COMMD1: variants seen among roughly 807,000 people sequenced by gnomAD.
The protein encoded by COMMD1 is COMM domain-containing protein 1.
COMMD1 carries 10 observed loss-of-function variants against 17.2 expected under a neutral mutation model. The observed-to-expected ratio is 0.58, with a 90% CI of 0.36 to 0.99. The LOEUF (loss-of-function observed/expected upper bound fraction) is 0.99, where lower values mean the gene tolerates loss of function less well. COMMD1 is among the 50% of genes least tolerant of loss of function. The pLI is 0.01. For missense variants in COMMD1, 270 were observed against 231.8 expected (o/e 1.17, Z -1.07); for synonymous variants, 97 against 91.6 (o/e 1.06, Z -0.34).
chr2:62,002,298 C>CTG (rs1485424884), intron 2 of COMMD1, among the ~76,000 whole-genome samples: 1 of 151,520 alleles, frequency 6.6e-6, no homozygotes, highest in Non-Finnish European at 1.5e-5. Flanking sequence ...TGAGACCAGC[C>CTG]TGGCCAACAT....
intron 2 of COMMD1, among the ~76,000 whole-genome samples, chr2:62,045,473 T>C (rs1670353853): frequency 6.6e-6 from 1 of 152,090 alleles, no homozygotes; most frequent in Non-Finnish European, 1.5e-5. Context: ...GGCCTTTGAT[T>C]AGTCTTACAA....
intron 2 of COMMD1, among the ~76,000 whole-genome samples, chr2:62,065,071 A>G (rs1392744631): frequency 1.3e-5 from 2 of 152,136 alleles, no homozygotes; most frequent in East Asian, 3.9e-4. Context: ...GTGGGATTAC[A>G]GGTGCTGAGG....
At chr2:62,094,517 A>G (rs1671946009) in intron 2 of COMMD1, among the ~76,000 whole-genome samples, 1 of 152,232 alleles carries the variant, frequency 6.6e-6, no homozygotes, top group African/African-American at 2.4e-5. Context: ...AATTTATTTC[A>G]AAAGCATGAG....
intron 1 of COMMD1, 74 bp downstream of exon 1, chr2:61,905,932 G>C (rs1286158606): frequency 2.7e-6 from 4 of 1,455,148 alleles, no homozygotes; most frequent in Non-Finnish European, 3.8e-6. Flanking sequence ...TCCCCCCCTT[G>C]CCTTCCCCTG....
chr2:61,968,547 C>G (rs893180929), intron 1 of COMMD1, among the ~76,000 whole-genome samples: 5 of 151,888 alleles, frequency 3.3e-5, no homozygotes, highest in Non-Finnish European at 5.9e-5. Context: ...GAGTTTTGGA[C>G]CATTTTCCTT....
At chr2:62,012,183 G>A (rs531638611) in intron 2 of COMMD1, among the ~76,000 whole-genome samples, 59 of 151,818 alleles carry the variant, frequency 3.9e-4, no homozygotes, top group Non-Finnish European at 7.2e-4. Context: ...CTTGAACCCA[G>A]GAGGCGGAGG....
chr2:61,984,961 G>A (rs1195876193), intron 1 of COMMD1, among the ~76,000 whole-genome samples: 2 of 149,756 alleles, frequency 1.3e-5, no homozygotes, highest in Admixed American at 6.6e-5. Flanking sequence ...TCTGATATAA[G>A]TATAGCTACT....
At chr2:62,001,153 A>G in intron 2 of COMMD1, 171 bp downstream of exon 2, 1 of 683,684 alleles carries the variant, frequency 1.5e-6, no homozygotes, top group South Asian at 1.8e-5. Flanking sequence ...TCACTTGTGG[A>G]CAGAGTCTGG....
intron 2 of COMMD1, among the ~76,000 whole-genome samples, chr2:62,126,550 G>A (rs1329067656): frequency 6.6e-6 from 1 of 152,042 alleles, no homozygotes; most frequent in African/African-American, 2.4e-5. Flanking sequence ...CACATTTGTT[G>A]GCTGCATGAA....
intron 1 of COMMD1, among the ~76,000 whole-genome samples, chr2:61,908,446 T>C (rs759011892): frequency 6.6e-6 from 1 of 152,046 alleles, no homozygotes; most frequent in Non-Finnish European, 1.5e-5. Flanking sequence ...GGGATGGTTT[T>C]GATCTCTTGA....
intron 2 of COMMD1, among the ~76,000 whole-genome samples, chr2:62,017,570 T>C (rs1361896720): frequency 2.0e-5 from 3 of 151,560 alleles, no homozygotes; most frequent in Non-Finnish European, 4.4e-5. Context: ...CTTGGTAGAC[T>C]GAAGTGGGAG....
intron 1 of COMMD1, among the ~76,000 whole-genome samples, chr2:61,907,783 C>T (rs893274116): frequency 9.2e-5 from 14 of 152,156 alleles, no homozygotes; most frequent in African/African-American, 2.4e-4. Context: ...CTCCGCCTCC[C>T]GGGTTCAGGT....
chr2:61,895,884 G>A (rs1034927451), intron 1 of COMMD1, among the ~76,000 whole-genome samples: 12 of 152,118 alleles, frequency 7.9e-5, no homozygotes, highest in African/African-American at 2.9e-4. Flanking sequence ...CAAGGTCCTA[G>A]GGGCAGTCCA....
chr2:62,131,438 T>A (rs1304205390), intron 2 of COMMD1, among the ~76,000 whole-genome samples: 1 of 152,234 alleles, frequency 6.6e-6, no homozygotes, highest in East Asian at 1.9e-4. Context: ...CAGTAACAAG[T>A]GTTTCAGATT....
At chr2:61,888,561 C>T (rs1359074476), upstream of COMMD1, 1 of 1,583,654 alleles carries the variant, frequency 6.3e-7, no homozygotes, top group African/African-American at 1.3e-5. Flanking sequence ...GACCCGGATT[C>T]TGGCCGGCCG....
At chr2:61,975,560 G>T (rs1209026592) in intron 1 of COMMD1, among the ~76,000 whole-genome samples, 2 of 152,050 alleles carry the variant, frequency 1.3e-5, no homozygotes, top group Non-Finnish European at 2.9e-5. Flanking sequence ...TCTATTGATA[G>T]AATTATATGA....
chr2:61,990,853 C>T (rs2103778251), intron 1 of COMMD1, among the ~76,000 whole-genome samples: 1 of 143,288 alleles, frequency 7.0e-6, no homozygotes, highest in South Asian at 2.2e-4. Flanking sequence ...GGACACAAAG[C>T]CAAACCATAT....
At chr2:61,918,999 A>T (rs1455550626) in intron 1 of COMMD1, among the ~76,000 whole-genome samples, 2 of 151,990 alleles carry the variant, frequency 1.3e-5, no homozygotes, top group Non-Finnish European at 2.9e-5. Context: ...CCTGTGCTTT[A>T]TTTGTAAGAT....
At chr2:62,113,354 A>C (rs1472564454) in intron 2 of COMMD1, among the ~76,000 whole-genome samples, 2 of 152,154 alleles carry the variant, frequency 1.3e-5, no homozygotes, top group Non-Finnish European at 2.9e-5. Flanking sequence ...ACCGTCTCAA[A>C]AAAATATATA....
Sources: allele counts gnomAD v4.1 joint callset (sites outside exome capture counted in the v4.1 genomes callset), GRCh38; gene constraint gnomAD v4.1.1; transcripts MANE v1.5; gene names NCBI Gene and HGNC (gene_info 2026-07-23, HGNC 2026-07-21).